Variants in MALRD1 observed in about 807,000 individuals in gnomAD.
The protein encoded by MALRD1 is MAM and LDL-receptor class A domain-containing protein 1.
MALRD1 carries 247 observed loss-of-function variants against 242.1 expected under a neutral mutation model. The observed-to-expected ratio is 1.02, with a 90% CI of 0.92 to 1.13. The LOEUF (loss-of-function observed/expected upper bound fraction) is 1.13. Among genes scored for constraint, MALRD1 ranks in the 50% most tolerant of loss-of-function variants. The pLI is 0.00. For missense variants in MALRD1, 2,989 were observed against 2,533.1 expected (o/e 1.18, Z -3.86); for synonymous variants, 995 against 866.6 (o/e 1.15, Z -2.60).
chr10:19,382,919 A>C (rs1174261710), intron 26 of MALRD1, among the ~76,000 whole-genome samples: 1 of 152,214 alleles, frequency 6.6e-6, no homozygotes, highest in East Asian at 1.9e-4. Flanking sequence ...TATAACCTTC[A>C]GTACCAAAAT....
rs146459979 is a variant in MALRD1, at chr10:19,660,551, A to G, written c.6138-31731A>G. 2.1e-3 allele frequency among the ~76,000 whole-genome samples: 316 copies of G among 152,284 alleles called. 1 individual carries two copies. Among genetic ancestry groups the G allele is most frequent in the African/African-American group, 7.2e-3 (300 of 41,574 alleles). On this transcript the variant is annotated intron_variant, in intron 36 of 39. Transcript: ENST00000454679. ...TCAGGCACCATGTTAAAATGCCCAG[A>G]GTACCTTATGCACTACCTTCACCTT... is the stretch of plus-strand genomic sequence containing the variant.
chr10:19,579,059 A>C (rs1395996502), intron 33 of MALRD1, among the ~76,000 whole-genome samples: 1 of 152,146 alleles, frequency 6.6e-6, no homozygotes, highest in Non-Finnish European at 1.5e-5. Flanking sequence ...AATACTCTAA[A>C]GTTTAGGTTA....
intron 29 of MALRD1, among the ~76,000 whole-genome samples, chr10:19,473,086 T>C (rs1449518771): frequency 1.4e-5 from 2 of 139,732 alleles, no homozygotes; most frequent in African/African-American, 5.2e-5. Context: ...TGTTCATATA[T>C]AAGAAATGTG....
At chr10:19,623,166 TAAC>T (rs1176533857) in intron 36 of MALRD1, among the ~76,000 whole-genome samples, 2 of 152,016 alleles carry the variant, frequency 1.3e-5, no homozygotes, top group Admixed American at 1.3e-4. Context: ...AATTTATTTT[TAAC>T]AACGTTTTTT....
intron 28 of MALRD1, among the ~76,000 whole-genome samples, chr10:19,420,000 C>T (rs956940170): frequency 1.3e-5 from 2 of 152,140 alleles, no homozygotes; most frequent in Non-Finnish European, 2.9e-5. Flanking sequence ...AAATAAATGG[C>T]ACTGGAATAT....
At chr10:19,420,261 G>C (rs1024974718) in intron 28 of MALRD1, among the ~76,000 whole-genome samples, 2 of 149,900 alleles carry the variant, frequency 1.3e-5, no homozygotes, top group African/African-American at 4.9e-5. Flanking sequence ...GTTTATGACA[G>C]AGCAGGTAAT....
chr10:19,544,984 T>A (rs1339452080), intron 32 of MALRD1, among the ~76,000 whole-genome samples: 1 of 152,200 alleles, frequency 6.6e-6, no homozygotes, highest in African/African-American at 2.4e-5. Flanking sequence ...CATAACAAGA[T>A]ACCATGACTG....
intron 18 of MALRD1, among the ~76,000 whole-genome samples, chr10:19,222,257 A>G (rs963945702): frequency 3.8e-4 from 57 of 151,876 alleles, no homozygotes; most frequent in African/African-American, 1.4e-3. Flanking sequence ...AAGCCCCCTC[A>G]CCCAGACTGT....
chr10:19,440,688 A>G lies in MALRD1; in HGVS notation c.4846-9619A>G, dbSNP rs559798779. Among the ~76,000 whole-genome samples, 373 of 152,078 alleles carry G rather than the reference A, an allele frequency of 2.5e-3. 5 individuals are homozygous for G. The East Asian group carries it at 0.049, about 20-fold the overall frequency. ...GGACATGGACTCATCCTTTTTTATCACTGCATAGTATTCCATGGTGTATAT... is the reference window on the plus strand; with the variant it reads ...GGACATGGACTCATCCTTTTTTATCGCTGCATAGTATTCCATGGTGTATAT... On this transcript the variant is annotated intron_variant, in intron 28 of 39. Coordinates refer to ENST00000454679, the MANE Select transcript of MALRD1 (RefSeq NM_001142308.3).
intron 4 of MALRD1, among the ~76,000 whole-genome samples, chr10:19,099,997 G>A (rs1836194534): frequency 6.6e-6 from 1 of 152,084 alleles, no homozygotes; most frequent in African/African-American, 2.4e-5. Flanking sequence ...CTGACCTCAG[G>A]TGATCCGCCT....
Position 19,661,573 on chromosome 10 carries a change from G to A in MALRD1, c.6138-30709G>A, listed in dbSNP as rs143903821. On this transcript the variant is annotated intron_variant, in intron 36 of 39. Transcript: ENST00000454679. ...CGCTGCATGTTCTCACTCATAGGTG[G>A]GAACTGAGCAATGAGAACACATGGA... Among the ~76,000 whole-genome samples, 553 of 152,206 alleles carry A rather than the reference G, an allele frequency of 3.6e-3. 2 individuals are homozygous for A. Among genetic ancestry groups the A allele is most frequent in the Middle Eastern group, 6.8e-3 (2 of 294 alleles).
At chr10:19,115,485 T>G (rs1418277628) in intron 5 of MALRD1, among the ~76,000 whole-genome samples, 1 of 152,044 alleles carries the variant, frequency 6.6e-6, no homozygotes, top group Admixed American at 6.6e-5. Flanking sequence ...AAATAGGAAC[T>G]TTACCATATG....
At chr10:19,424,153 A>AT (rs763383362) in intron 28 of MALRD1, among the ~76,000 whole-genome samples, 12 of 150,806 alleles carry the variant, frequency 8.0e-5, no homozygotes, top group South Asian at 2.1e-4. Context: ...GTTTTTCTTT[A>AT]TTTTTTTTTC....
chr10:19,556,623 C>G (rs1835730000), intron 32 of MALRD1, among the ~76,000 whole-genome samples: 1 of 152,094 alleles, frequency 6.6e-6, no homozygotes, highest in African/African-American at 2.4e-5. Context: ...GAATAAGATT[C>G]CATACTATGG....
chr10:19,097,731 A>G (rs369836754), intron 4 of MALRD1, among the ~76,000 whole-genome samples: 44 of 152,294 alleles, frequency 2.9e-4, no homozygotes, highest in African/African-American at 1.0e-3. Context: ...GATTGATAAC[A>G]TTTACTAAAC....
chr10:19,194,221 A>G (rs1836129168), intron 14 of MALRD1, among the ~76,000 whole-genome samples: 1 of 152,176 alleles, frequency 6.6e-6, no homozygotes, highest in South Asian at 2.1e-4. Flanking sequence ...CCTAAGTTAT[A>G]TTTACTTTTA....
intron 24 of MALRD1, among the ~76,000 whole-genome samples, chr10:19,336,467 G>A (rs1331733739): frequency 6.6e-6 from 1 of 152,116 alleles, no homozygotes; most frequent in Non-Finnish European, 1.5e-5. Context: ...TCATTTTCAA[G>A]CACACACAGA....
intron 34 of MALRD1, among the ~76,000 whole-genome samples, chr10:19,596,699 A>T (rs1456178067): frequency 6.6e-6 from 1 of 152,016 alleles, no homozygotes; most frequent in African/African-American, 2.4e-5. Context: ...CCACTGTACC[A>T]CTGCACCCCA....
Position 19,595,438 on chromosome 10 carries a change from T to A in MALRD1, c.5925T>A (p.Asn1975Lys). Residue 1975 changes from asparagine to lysine, a missense_variant, in exon 34 of 40, where the codon AAT (asparagine) becomes AAA (lysine). Asn to Lys is a moderately conservative substitution (Grantham distance 94). Coordinates refer to ENST00000454679, the MANE Select transcript of MALRD1 (RefSeq NM_001142308.3). Reference protein sequence around the residue: ...LCDGVPDCHFNEDELICSNKS... With the variant: ...LCDGVPDCHFKEDELICSNKS... ...ATGGAGTGCCCGACTGCCACTTTAA[T>A]GAAGATGAGCTCATCTGCTGTGAGT... 1 of 1,550,182 alleles carries A rather than the reference T, an allele frequency of 6.5e-7. No individual in the cohort carries two copies. Among genetic ancestry groups the A allele is most frequent in the Non-Finnish European group, 8.7e-7 (1 of 1,146,704 alleles).
Sources: allele counts gnomAD v4.1 joint callset (sites outside exome capture counted in the v4.1 genomes callset), GRCh38; gene constraint gnomAD v4.1.1; transcripts MANE v1.5; gene names NCBI Gene and HGNC (gene_info 2026-07-23, HGNC 2026-07-21).